Variants in ARHGAP8 observed in about 807,000 individuals in gnomAD.
ARHGAP8 encodes rho GTPase-activating protein 8.
ARHGAP8 carries 62 observed loss-of-function variants against 46.1 expected under a neutral mutation model. The observed-to-expected ratio is 1.34, with a 90% CI of 1.10 to 1.66. ARHGAP8 has a LOEUF of 1.66. ARHGAP8 is among the 40% of genes most tolerant of loss of function. The pLI is 0.00. For missense variants in ARHGAP8, 923 were observed against 568.4 expected (o/e 1.62, Z -6.34); for synonymous variants, 375 against 243.1 (o/e 1.54, Z -5.05).
chr22:44,846,020 C>CA (rs369988062), intron 8 of ARHGAP8, among the ~76,000 whole-genome samples: 1 of 149,282 alleles, frequency 6.7e-6, no homozygotes, highest in Admixed American at 6.7e-5. Context: ...TGCCCCCCCC[C>CA]ATCCCCACCA....
At chr22:44,859,498 G>A (rs1303066763) in intron 10 of ARHGAP8, among the ~76,000 whole-genome samples, 4 of 152,148 alleles carry the variant, frequency 2.6e-5, no homozygotes, top group Non-Finnish European at 5.9e-5. Flanking sequence ...AGAACCATGA[G>A]CCAGTTAAAC....
At position 44,835,090 on chromosome 22, in the gene ARHGAP8, G is replaced by T. The variant is rs187333121; in HGVS notation, c.596+9497G>T. On this transcript the variant is annotated intron_variant, in intron 7 of 11. Coordinates refer to ENST00000356099, the MANE Select transcript of ARHGAP8 (RefSeq NM_181335.3). ...AGATTATTTAATCCATTTACATTTA[G>T]TGTGATTACTGGAGTTACATCTGCC... Among the ~76,000 whole-genome samples the T allele has an allele frequency of 1.8e-3, 272 of 151,918 alleles. 1 individual carries two copies. Among genetic ancestry groups the T allele is most frequent in the African/African-American group, 6.3e-3 (263 of 41,444 alleles).
intron 1 of ARHGAP8, among the ~76,000 whole-genome samples, chr22:44,755,758 G>C (rs933090886): frequency 5.9e-5 from 9 of 152,182 alleles, no homozygotes; most frequent in African/African-American, 2.2e-4. Context: ...ATAAACCATC[G>C]GTTTGTCTTG....
Position 44,812,927 on chromosome 22 carries a change from A to G in ARHGAP8, c.300-1745A>G, listed in dbSNP as rs1317958470. Among the ~76,000 whole-genome samples, 3 of 152,164 alleles carry G rather than the reference A, an allele frequency of 2.0e-5. No individual in the cohort carries two copies. In the East Asian group the frequency reaches 5.8e-4, roughly 29 times the overall value. ...GTTACAATCCATTACTATCATTTTAATGATCAAATTGTCCCAAATTTGCCC... is the reference window on the plus strand; with the variant it reads ...GTTACAATCCATTACTATCATTTTAGTGATCAAATTGTCCCAAATTTGCCC... On this transcript the variant is annotated intron_variant, in intron 4 of 11. Transcript: ENST00000356099.
At chr22:44,770,462 G>C (rs1440508974) in intron 1 of ARHGAP8, among the ~76,000 whole-genome samples, 5 of 151,610 alleles carry the variant, frequency 3.3e-5, no homozygotes, top group African/African-American at 9.7e-5. Flanking sequence ...CTGGAGTGCA[G>C]TGATGCCATC....
chr22:44,770,552 T>A (rs1925924110), intron 1 of ARHGAP8, among the ~76,000 whole-genome samples: 1 of 152,042 alleles, frequency 6.6e-6, no homozygotes, highest in South Asian at 2.1e-4. Flanking sequence ...ATTACAGGTG[T>A]CTGCCACCAT....
chr22:44,859,653 C>G (rs565053411), intron 10 of ARHGAP8, 78 bp from the exon 11 acceptor site: 2 of 1,068,180 alleles, frequency 1.9e-6, no homozygotes, highest in Non-Finnish European at 2.5e-6. Flanking sequence ...TCCTACACCC[C>G]TGTTCTCCTC....
intron 2 of ARHGAP8, among the ~76,000 whole-genome samples, chr22:44,794,187 G>T (rs113800336): frequency 6.6e-6 from 1 of 152,212 alleles, no homozygotes; most frequent in African/African-American, 2.4e-5. Context: ...TACCTGGTCC[G>T]TGGTAACAGC....
intron 5 of ARHGAP8, among the ~76,000 whole-genome samples, chr22:44,815,493 C>G (rs895752874): frequency 6.6e-6 from 1 of 152,114 alleles, no homozygotes; most frequent in Non-Finnish European, 1.5e-5. Context: ...CAGGCCGACT[C>G]TCCCAGGAGC....
Position 44,822,437 on chromosome 22 carries a change from C to T in ARHGAP8, c.453C>T (p.Tyr151=), listed in dbSNP as rs767999678. The part of the protein sequence containing the change: ...YLSELHEHLK[Y]DQLVIPPEVL... The stretch of plus-strand genomic sequence containing the variant: ...GTGAGCTCCACGAACACCTTAAATA[C>T]GACCAGCTGGTCATCCCTCCCGAAG... Residue 151 remains tyrosine, a synonymous_variant, in exon 6 of 12, where the codon TAC becomes TAT. Coordinates refer to ENST00000356099, the MANE Select transcript of ARHGAP8 (RefSeq NM_181335.3). 12 of 1,565,798 alleles carry T rather than the reference C, an allele frequency of 7.7e-6. No individual in the cohort carries two copies. The highest frequency in any genetic ancestry group is 4.2e-5 in the Admixed American group (2 of 47,752).
At chr22:44,790,676 C>CAAAAAAAAA (rs369579126) in intron 2 of ARHGAP8, among the ~76,000 whole-genome samples, 2 of 49,602 alleles carry the variant, frequency 4.0e-5, no homozygotes, top group African/African-American at 1.5e-4. Flanking sequence ...AACTCTGTCT[C>CAAAAAAAAA]AAAAAAAAAA....
chr22:44,811,943 G>A (rs894683073), intron 4 of ARHGAP8, among the ~76,000 whole-genome samples: 1 of 150,990 alleles, frequency 6.6e-6, no homozygotes, highest in African/African-American at 2.4e-5. Context: ...GTTGCAGTGA[G>A]CTGAGATCGC....
At chr22:44,856,903 G>A (rs1326350190) in intron 10 of ARHGAP8, among the ~76,000 whole-genome samples, 1 of 143,220 alleles carries the variant, frequency 7.0e-6, no homozygotes, top group Non-Finnish European at 1.5e-5. Context: ...ACACAGTCGC[G>A]CTGCAGACAG....
chr22:44,771,059 CTGT>C (rs1230118290), intron 1 of ARHGAP8, among the ~76,000 whole-genome samples: 1 of 152,102 alleles, frequency 6.6e-6, no homozygotes, highest in East Asian at 1.9e-4. Flanking sequence ...GGTGGTTTCA[CTGT>C]TGTTGATGGA....
chr22:44,822,374 C>T lies in ARHGAP8; in HGVS notation c.390C>T (p.His130=). 7 of 1,580,086 alleles carry T rather than the reference C, an allele frequency of 4.4e-6. No homozygotes were observed. The highest frequency in any genetic ancestry group is 2.4e-5 in the East Asian group (1 of 41,960). Residue 130 remains histidine (H), a synonymous_variant, in exon 6 of 12, where the codon CAC becomes CAT. Transcript: ENST00000356099. ...LWNILKPLIS[H]KFGKKVIYFN... is the part of the protein sequence containing the mutation. ...TCTCTTGCTTCTGCTTTCTTAGTCA[C>T]AAGTTTGGGAAGAAAGTCATCTATT...
intron 11 of ARHGAP8, among the ~76,000 whole-genome samples, chr22:44,860,760 G>T (rs891023827): frequency 1.8e-5 from 1 of 55,626 alleles, no homozygotes; most frequent in African/African-American, 7.7e-5. Flanking sequence ...GCAGCCAACA[G>T]GGGAAGGTTC....
At chr22:44,860,383 C>G (rs910623995) in intron 11 of ARHGAP8, among the ~76,000 whole-genome samples, 1 of 152,154 alleles carries the variant, frequency 6.6e-6, no homozygotes, top group African/African-American at 2.4e-5. Context: ...CCTGGCCTCT[C>G]CCAGCTCCTG....
At chr22:44,781,852 A>T (rs1301811618) in intron 1 of ARHGAP8, among the ~76,000 whole-genome samples, 1 of 150,914 alleles carries the variant, frequency 6.6e-6, no homozygotes, top group South Asian at 2.1e-4. Flanking sequence ...TTTTATTTTT[A>T]GAGACAGGAT....
chr22:44,854,951 A>G (rs1171387685), intron 10 of ARHGAP8, among the ~76,000 whole-genome samples: 1 of 152,064 alleles, frequency 6.6e-6, no homozygotes, highest in Admixed American at 6.6e-5. Flanking sequence ...CAACCTATAC[A>G]GCTGTTTTTA....
Sources: gnomAD v4.1 joint callset for allele counts (sites outside exome capture counted in the v4.1 genomes callset) on GRCh38, gnomAD v4.1.1 for gene constraint, MANE v1.5 for transcripts, NCBI Gene and HGNC (gene_info 2026-07-23, HGNC 2026-07-21) for gene names.